The following GNB1 variants were observed in gnomAD, a reference collection of about 807,000 sequenced individuals.
The protein encoded by GNB1 is guanine nucleotide-binding protein G(I)/G(S)/G(T) subunit beta-1.
A neutral mutation model predicts 42.9 loss-of-function variants in GNB1; 2 were observed. That is an observed-to-expected ratio of 0.05 (90% CI 0.02 to 0.15). GNB1 has a LOEUF of 0.15. Among genes scored for constraint, GNB1 ranks in the 10% least tolerant of loss-of-function variants. GNB1 has a pLI of 1.00. For synonymous variants in GNB1, 183 were observed against 174.7 expected (o/e 1.05, Z -0.38); for missense variants, 193 against 462.2 (o/e 0.42, Z 5.34).
At chr1:1,792,907 A>T (rs1646500740) in intron 8 of GNB1, among the ~76,000 whole-genome samples, 2 of 151,954 alleles carry the variant, frequency 1.3e-5, no homozygotes, top group African/African-American at 4.8e-5. Context: ...CTCTACTAAA[A>T]ATACAAAAAT....
At chr1:1,799,467 T>C (rs1646595302) in intron 7 of GNB1, among the ~76,000 whole-genome samples, 2 of 152,150 alleles carry the variant, frequency 1.3e-5, no homozygotes, top group African/African-American at 2.4e-5. Context: ...CTGACGGTCA[T>C]GGGAAGGGAC....
intron 1 of GNB1, among the ~76,000 whole-genome samples, chr1:1,842,677 C>CT (rs1286776307): frequency 3.3e-5 from 5 of 152,206 alleles, no homozygotes; most frequent in East Asian, 3.9e-4. Context: ...ACAGGGTTTC[C>CT]TTTTGAGGTG....
intron 3 of GNB1, among the ~76,000 whole-genome samples, chr1:1,823,705 C>G (rs1398218941): frequency 3.3e-5 from 5 of 152,066 alleles, no homozygotes; most frequent in Admixed American, 1.3e-4. Context: ...CAGAGAATTC[C>G]ATTATTTTTT....
chr1:1,819,205 T>C (rs1393908938), intron 3 of GNB1, among the ~76,000 whole-genome samples: 1 of 150,454 alleles, frequency 6.6e-6, no homozygotes, highest in Non-Finnish European at 1.5e-5. Flanking sequence ...GTTGGTATAA[T>C]TTTTTTTTTA....
At chr1:1,889,618 C>A (rs915150998) in intron 1 of GNB1, among the ~76,000 whole-genome samples, 4 of 149,800 alleles carry the variant, frequency 2.7e-5, no homozygotes, top group Non-Finnish European at 5.9e-5. Flanking sequence ...TCGAGACCAG[C>A]CTGGTTAACA....
intron 1 of GNB1, among the ~76,000 whole-genome samples, chr1:1,854,056 A>G (rs1648130393): frequency 6.6e-6 from 1 of 152,256 alleles, no homozygotes. Flanking sequence ...GGGAGTCCGT[A>G]GGAAACAAGA....
chr1:1,813,134 T>TA (rs1646805237), intron 5 of GNB1, among the ~76,000 whole-genome samples: 1 of 152,038 alleles, frequency 6.6e-6, no homozygotes, highest in Non-Finnish European at 1.5e-5. Context: ...CTAACATAGA[T>TA]AGACTAGTAA....
rs149471150 is a variant in GNB1, at chr1:1,790,357, G to A, written c.699+38C>T. The A allele has an allele frequency of 9.9e-6, 14 of 1,415,636 alleles. No individual in the cohort carries two copies. In the Admixed American group the frequency reaches 1.5e-4, roughly 15 times the overall value. 87.7% of individuals were successfully genotyped at this position (1,415,636 alleles called of 1,614,324 possible). On this transcript the variant is annotated intron_variant, in intron 9 of 11. Coordinates refer to ENST00000378609, the MANE Select transcript of GNB1 (RefSeq NM_002074.5). The surrounding 1 kb of genome is among the most constrained non-coding windows in gnomAD (Gnocchi z 5.4). ...AGCAATCTGAACGGCTAGCAGAGAC[G>A]GCAGAGGACCCGACCCCACACCTCC...
At chr1:1,830,241 T>TGA (rs1647057042) in intron 2 of GNB1, among the ~76,000 whole-genome samples, 3 of 152,000 alleles carry the variant, frequency 2.0e-5, no homozygotes, top group Non-Finnish European at 2.9e-5. Flanking sequence ...TTTATACTTT[T>TGA]CAGTTTCAAT....
chr1:1,850,049 A>G (rs1008129948), intron 1 of GNB1, among the ~76,000 whole-genome samples: 4 of 152,028 alleles, frequency 2.6e-5, no homozygotes, highest in African/African-American at 7.2e-5. Flanking sequence ...GCTCACTGCA[A>G]TCTCCGCCTC....
chr1:1,890,604 C>G (rs945660697), intron 1 of GNB1, among the ~76,000 whole-genome samples: 2 of 148,728 alleles, frequency 1.3e-5, no homozygotes, highest in African/African-American at 2.4e-5. Context: ...GGGACCCCGG[C>G]TCCTCTCCCT....
chr1:1,830,404 G>C (rs1647059599), intron 2 of GNB1, among the ~76,000 whole-genome samples: 1 of 151,892 alleles, frequency 6.6e-6, no homozygotes, highest in Non-Finnish European at 1.5e-5. Context: ...TGGGACTACA[G>C]GCGCCCGCCA....
At chr1:1,844,517 T>TA (rs1647516342) in intron 1 of GNB1, among the ~76,000 whole-genome samples, 1 of 152,232 alleles carries the variant, frequency 6.6e-6, no homozygotes, top group African/African-American at 2.4e-5. Context: ...CTAGTACTTA[T>TA]ACTTTTATTT....
chr1:1,835,735 G>A (rs149652878), intron 2 of GNB1, among the ~76,000 whole-genome samples: 55 of 152,032 alleles, frequency 3.6e-4, no homozygotes, highest in African/African-American at 1.2e-3. Context: ...GATTCCTAGC[G>A]GTGGAATGGC....
intron 3 of GNB1, among the ~76,000 whole-genome samples, chr1:1,822,595 G>A (rs556512091): frequency 6.6e-6 from 1 of 152,166 alleles, no homozygotes; most frequent in East Asian, 1.9e-4. Flanking sequence ...GATTACAGGC[G>A]TCAGCCACCG....
rs1646396861 is a variant in GNB1 at position 1,785,747 on chromosome 1, C to T, written c.*1316G>A. The T allele has an allele frequency of 2.8e-6, 1 of 362,020 alleles. No homozygotes were observed. 22.4% of individuals were successfully genotyped at this position (362,020 alleles called of 1,614,324 possible). A position where few individuals can be genotyped will look rare whatever the true frequency, so the allele number is the denominator to read the frequency against. ...AGGGCAGGCTCTTCACTCCCTCTCC[C>T]TCCCTCTCTCTCCCTCCCCACCCTC... On this transcript the variant is annotated 3_prime_UTR_variant, in exon 12 of 12. Transcript: ENST00000378609.
chr1:1,870,693 G>A (rs1248919992), intron 1 of GNB1, among the ~76,000 whole-genome samples: 1 of 152,200 alleles, frequency 6.6e-6, no homozygotes. Flanking sequence ...TTAGCACTTT[G>A]GGAGGCAGAG....
chr1:1,803,028 C>T (rs1408978336), intron 7 of GNB1, among the ~76,000 whole-genome samples: 3 of 152,188 alleles, frequency 2.0e-5, no homozygotes, highest in Non-Finnish European at 4.4e-5. Flanking sequence ...CCAAAATTAA[C>T]TTATTTAACA....
At chr1:1,865,437 T>C (rs547641299) in intron 1 of GNB1, among the ~76,000 whole-genome samples, 21 of 150,540 alleles carry the variant, frequency 1.4e-4, no homozygotes, top group Non-Finnish European at 2.7e-4. Context: ...ATACAAAACA[T>C]TGGCCAGGTG....
Sources: allele counts gnomAD v4.1 joint callset (sites outside exome capture counted in the v4.1 genomes callset), GRCh38; gene constraint gnomAD v4.1.1; non-coding constraint Gnocchi (gnomAD v3.1); transcripts MANE v1.5; gene names NCBI Gene and HGNC (gene_info 2026-07-23, HGNC 2026-07-21).